WDR70: variants seen among roughly 807,000 people sequenced by gnomAD.
The protein encoded by WDR70 is WD repeat domain 70.
In WDR70, 53 loss-of-function variants were observed where a neutral mutation model predicts 88.6. The observed-to-expected ratio is 0.60, with a 90% CI of 0.48 to 0.75. WDR70 has a LOEUF of 0.75. WDR70 is among the 30% of genes least tolerant of loss of function. The probability of loss-of-function intolerance (pLI) is 0.00; values close to 1 mark genes in which losing one functional copy is unlikely to be tolerated. For missense variants in WDR70, 610 were observed against 823.2 expected, an observed-to-expected ratio of 0.74 and a Z score of 3.17; for synonymous variants, 280 against 270.0, an observed-to-expected ratio of 1.04 and a Z score of -0.36.
At chr5:37,400,436 A>G (rs1415036814) in intron 5 of WDR70, among the ~76,000 whole-genome samples, 1 of 152,182 alleles carries the variant, frequency 6.6e-6, no homozygotes, top group East Asian at 1.9e-4. Flanking sequence ...TAAGTTCTCT[A>G]CAGAAAAGTG....
intron 6 of WDR70, 119 bp from the exon 7 acceptor site, chr5:37,443,120 T>C: frequency 9.6e-7 from 1 of 1,040,346 alleles, no homozygotes; most frequent in Non-Finnish European, 1.4e-6. Flanking sequence ...CAATAGTTGG[T>C]GGTTTGTACT....
intron 7 of WDR70, among the ~76,000 whole-genome samples, chr5:37,451,141 G>T (rs576323959): frequency 1.3e-4 from 20 of 152,168 alleles, no homozygotes; most frequent in African/African-American, 4.8e-4. Context: ...CAGGTGATCT[G>T]CCCGTCTTGG....
At chr5:37,402,103 C>T (rs1368729186) in intron 5 of WDR70, among the ~76,000 whole-genome samples, 1 of 152,050 alleles carries the variant, frequency 6.6e-6, no homozygotes, top group Non-Finnish European at 1.5e-5. Context: ...CCCTTTTCAC[C>T]CTTTCGTTTC....
intron 7 of WDR70, among the ~76,000 whole-genome samples, chr5:37,471,927 C>T (rs370314652): frequency 5.3e-5 from 8 of 151,646 alleles, no homozygotes; most frequent in Non-Finnish European, 7.4e-5. Flanking sequence ...GGACCTCTAT[C>T]GTATGTTGAA....
At chr5:37,566,158 C>G (rs904923594) in intron 9 of WDR70, among the ~76,000 whole-genome samples, 12 of 152,036 alleles carry the variant, frequency 7.9e-5, no homozygotes, top group African/African-American at 2.7e-4. Flanking sequence ...CTAATTTACT[C>G]TGAATTTTAA....
intron 10 of WDR70, among the ~76,000 whole-genome samples, chr5:37,681,115 G>A (rs188433437): frequency 2.4e-4 from 36 of 152,038 alleles, no homozygotes; most frequent in African/African-American, 7.5e-4. Flanking sequence ...TGATTTCTTT[G>A]AGCAGTTTTT....
intron 9 of WDR70, among the ~76,000 whole-genome samples, chr5:37,524,070 A>G (rs1198153639): frequency 6.6e-6 from 1 of 152,236 alleles, no homozygotes; most frequent in East Asian, 1.9e-4. Context: ...GATATTATCC[A>G]GGAGAACTTC....
chr5:37,447,960 T>A (rs1207660270), intron 7 of WDR70, among the ~76,000 whole-genome samples: 1 of 151,960 alleles, frequency 6.6e-6, no homozygotes, highest in African/African-American at 2.4e-5. Context: ...AAGAAAAACT[T>A]TTCCTCATTA....
At chr5:37,441,815 C>T (rs1163643276) in intron 6 of WDR70, among the ~76,000 whole-genome samples, 12 of 151,908 alleles carry the variant, frequency 7.9e-5, no homozygotes, top group Non-Finnish European at 1.2e-4. Flanking sequence ...GAGACTCTGT[C>T]TCAAAAAAAA....
At chr5:37,659,275 T>G (rs1011835964) in intron 10 of WDR70, among the ~76,000 whole-genome samples, 3 of 152,192 alleles carry the variant, frequency 2.0e-5, no homozygotes, top group African/African-American at 7.2e-5. Flanking sequence ...AGCAATGACA[T>G]TTTTGTTTTA....
intron 5 of WDR70, among the ~76,000 whole-genome samples, chr5:37,415,182 C>G (rs1407852651): frequency 1.3e-5 from 2 of 151,800 alleles, no homozygotes; most frequent in Non-Finnish European, 2.9e-5. Context: ...ATGTCTACTT[C>G]TTTCTACACA....
At chr5:37,598,555 A>G (rs1743768837) in intron 9 of WDR70, among the ~76,000 whole-genome samples, 3 of 152,208 alleles carry the variant, frequency 2.0e-5, no homozygotes, top group Admixed American at 6.5e-5. Context: ...GTGGTATATT[A>G]ACAGATTGAG....
intron 8 of WDR70, among the ~76,000 whole-genome samples, chr5:37,491,954 C>T (rs1191982851): frequency 6.6e-6 from 1 of 152,100 alleles, no homozygotes. Context: ...GACATGTCCC[C>T]ATCATTTTTG....
rs535492325 is a variant in WDR70, at chr5:37,386,408, A to G, written c.175+4723A>G. Among the ~76,000 whole-genome samples, 6 of 151,904 alleles carry G rather than the reference A, an allele frequency of 3.9e-5. No homozygotes were observed. The South Asian group carries it at 1.2e-3, about 32-fold the overall frequency. Reference sequence around the variant, plus strand: ...AATGGTGCAATCTAGGCTCACTGCAACCTCTGCCTCCTGGTTCAAGCAATT... The same window carrying G: ...AATGGTGCAATCTAGGCTCACTGCAGCCTCTGCCTCCTGGTTCAAGCAATT... On this transcript the variant is annotated intron_variant, in intron 3 of 17. Transcript: ENST00000265107.
chr5:37,746,009 G>A (rs964047473), intron 17 of WDR70, among the ~76,000 whole-genome samples: 4 of 151,976 alleles, frequency 2.6e-5, no homozygotes, highest in South Asian at 2.1e-4. Context: ...TTCTAAAATC[G>A]ACCACATAAT....
chr5:37,663,529 GTCTC>G (rs989699170), intron 10 of WDR70, among the ~76,000 whole-genome samples: 52 of 152,258 alleles, frequency 3.4e-4, no homozygotes, highest in African/African-American at 1.3e-3. Context: ...GGCCTTGGCA[GTCTC>G]TTTTTTTCTA....
chr5:37,461,589 T>C (rs1739006410), intron 7 of WDR70, among the ~76,000 whole-genome samples: 1 of 151,986 alleles, frequency 6.6e-6, no homozygotes, highest in African/African-American at 2.4e-5. Flanking sequence ...GTTCACGCCG[T>C]TCTCCTGCCT....
At chr5:37,474,898 T>A (rs140694011) in intron 7 of WDR70, among the ~76,000 whole-genome samples, 1 of 152,146 alleles carries the variant, frequency 6.6e-6, no homozygotes, top group African/African-American at 2.4e-5. Flanking sequence ...TCTCCAGTAA[T>A]GTTCCTTTAT....
At chr5:37,737,165 C>T (rs1256776274) in intron 17 of WDR70, among the ~76,000 whole-genome samples, 5 of 151,996 alleles carry the variant, frequency 3.3e-5, no homozygotes, top group African/African-American at 1.2e-4. Context: ...TTATACTATG[C>T]CAGGCTTGTT....
Sources: gnomAD v4.1 joint callset for allele counts (sites outside exome capture counted in the v4.1 genomes callset) on GRCh38, gnomAD v4.1.1 for gene constraint, MANE v1.5 for transcripts, NCBI Gene and HGNC (gene_info 2026-07-23, HGNC 2026-07-21) for gene names.